ZNF630: variants seen among roughly 807,000 people sequenced by gnomAD.
ZNF630 encodes the protein zinc finger protein 630.
Under a neutral mutation model 7.2 loss-of-function variants are expected in ZNF630, and 5 were observed. The ratio of observed to expected loss-of-function variants is 0.70; its 90% CI spans 0.36 to 1.46. The LOEUF (loss-of-function observed/expected upper bound fraction) is 1.46, where lower values mean the gene tolerates loss of function less well. ZNF630 is among the 40% of genes most tolerant of loss of function. ZNF630 has a pLI of 0.03. For missense variants in ZNF630, 461 were observed against 477.0 expected (o/e 0.97, Z 0.31); for synonymous variants, 158 against 162.8 (o/e 0.97, Z 0.23).
Position 48,060,541 on chromosome X carries a change from A to T in ZNF630, c.147T>A (p.Cys49Ter), listed in dbSNP as rs1336155121. ...ETYNHLVSVG[C>*]SGIKPDVIFK... ...AGATTACATCTGGTTTTATACCTGAACACCCTGTTAAGAGAAAATTGTAGT... is the reference window on the plus strand; with the variant it reads ...AGATTACATCTGGTTTTATACCTGATCACCCTGTTAAGAGAAAATTGTAGT... The change falls in exon 4 of 5, where the codon TGT (cysteine) becomes TGA (stop). Residue 49 changes from cysteine (C) to a stop codon, truncating the protein, a stop_gained. Coordinates refer to ENST00000276054, the MANE Select transcript of ZNF630 (RefSeq NM_001282201.2). LOFTEE classifies it high-confidence loss of function. 3.3e-6 allele frequency: 4 copies of T among 1,199,378 alleles called. No individual in the cohort carries two copies. Among genetic ancestry groups the T allele is most frequent in the Non-Finnish European group, 4.5e-6 (4 of 888,409 alleles).
At chrX:48,063,931 T>G (rs191835529) in intron 2 of ZNF630, among the ~76,000 whole-genome samples, 5 of 111,038 alleles carry the variant, frequency 4.5e-5, no homozygotes, top group Non-Finnish European at 9.4e-5. Flanking sequence ...CTCTTTAAAT[T>G]TATAAGTCTG....
At position 48,058,913 on chromosome X, in the gene ZNF630, G is replaced by A. The variant is rs782377992; in HGVS notation, c.1529C>T (p.Thr510Ile). Residue 510 changes from threonine to isoleucine, a missense_variant, in exon 5 of 5, where the codon ACA (threonine) becomes ATA (isoleucine). Physicochemically the swap from Thr to Ile is moderately conservative, Grantham distance 89 (BLOSUM62 -1). Coordinates refer to ENST00000276054, the MANE Select transcript of ZNF630 (RefSeq NM_001282201.2). ...ACCACACTGATAAGGTTTCTCCCCT[G>A]TATGAATTCTCTGGTGTATGATAAG... ...SPLIIHQRIH[T>I]GEKPYQCGEC... The A allele has an allele frequency of 5.6e-5, 67 of 1,206,563 alleles. 1 individual carries two copies. The highest frequency in any genetic ancestry group is 7.3e-5 in the Non-Finnish European group (65 of 892,862).
Position 48,058,989 on chromosome X carries a change from T to C in ZNF630, c.1453A>G (p.Lys485Glu). The C allele has an allele frequency of 8.3e-7, 1 of 1,208,272 alleles. No homozygotes were observed. The highest frequency in any genetic ancestry group is 1.1e-6 in the Non-Finnish European group (1 of 893,205). The change falls in exon 5 of 5, where the codon AAA (lysine) becomes GAA (glutamate). Residue 485 changes from lysine (K) to glutamate (E), a missense_variant. Physicochemically the swap from Lys to Glu is moderately conservative, Grantham distance 56 (BLOSUM62 1). Coordinates refer to ENST00000276054, the MANE Select transcript of ZNF630 (RefSeq NM_001282201.2). ...TGHQRLHTGE[K>E]PYMCTECGKS... is the part of the protein sequence containing the mutation. The stretch of plus-strand genomic sequence containing the variant: ...CCACATTCAGTACACATATAAGGTT[T>C]CTCTCCAGTATGAAGTCTTTGATGG...
In ZNF630 at chrX:48,066,222, G is replaced by A. The variant is rs782100172; in HGVS notation, c.15+650C>T. On this transcript the variant is annotated intron_variant, in intron 2 of 4. Transcript: ENST00000276054. ...CAAACCAGATAATCCTAGTTATGTC[G>A]GGGAAGGAGGAAGAAGTAAGATTGG... is the stretch of plus-strand genomic sequence containing the variant. The A allele has an allele frequency of 6.4e-5, 7 of 109,519 alleles. No homozygotes were observed. In the East Asian group the frequency reaches 8.5e-4, roughly 13 times the overall value. 9.0% of individuals were successfully genotyped at this position (109,519 alleles called of 1,213,427 possible). A position where few individuals can be genotyped will look rare whatever the true frequency, so the allele number is the denominator to read the frequency against.
In ZNF630 at chrX:48,060,547, T is replaced by C. The variant is rs1308947878; in HGVS notation, c.143-2A>G. 13 of 1,194,726 alleles carry C rather than the reference T, an allele frequency of 1.1e-5. No homozygotes were observed. The highest frequency in any genetic ancestry group is 1.5e-5 in the Non-Finnish European group (13 of 885,710). ...CATCTGGTTTTATACCTGAACACCC[T>C]GTTAAGAGAAAATTGTAGTGGCTTT... On this transcript the variant is annotated splice_acceptor_variant, in intron 3 of 4. Coordinates refer to ENST00000276054, the MANE Select transcript of ZNF630 (RefSeq NM_001282201.2). LOFTEE classifies it high-confidence loss of function.
chrX:48,068,169 AGGAAG>A (rs2059140472), intron 1 of ZNF630, among the ~76,000 whole-genome samples: 5 of 31,264 alleles, frequency 1.6e-4, no homozygotes, highest in Non-Finnish European at 3.4e-4. Flanking sequence ...GGGAGGAAGA[AGGAAG>A]GAAGGAAGGA....
In ZNF630 at chrX:48,060,781, G is replaced by A. The variant is rs367664962; in HGVS notation, c.142+38C>T. 3.5e-6 allele frequency: 4 copies of A among 1,159,100 alleles called. No homozygotes were observed. The African/African-American group carries it at 5.4e-5, about 16-fold the overall frequency. Reference sequence around the variant, plus strand: ...GACAGCACTAAAGGAAGGATGAGGAGGATTTGATTCATTGGTACACAGGGA... The same window carrying A: ...GACAGCACTAAAGGAAGGATGAGGAAGATTTGATTCATTGGTACACAGGGA... On this transcript the variant is annotated intron_variant, in intron 3 of 4. Coordinates refer to ENST00000276054, the MANE Select transcript of ZNF630 (RefSeq NM_001282201.2).
intron 1 of ZNF630, among the ~76,000 whole-genome samples, chrX:48,070,729 C>T (rs1323354636): frequency 9.1e-6 from 1 of 109,456 alleles, no homozygotes; most frequent in Non-Finnish European, 1.9e-5. Context: ...GTGATGAATC[C>T]ATATAAGAAA....
intron 2 of ZNF630, among the ~76,000 whole-genome samples, chrX:48,065,455 A>AAGAAAGAAAGAG (rs1491400536): frequency 6.4e-5 from 4 of 62,146 alleles, no homozygotes; most frequent in Non-Finnish European, 7.4e-5. Flanking sequence ...GAAAGAAAGA[A>AAGAAAGAAAGAG]AGAGAGAGAG....
rs917460347 is a variant in ZNF630, at chrX:48,071,303, C to G, written c.-212G>C. ...TCTCAAGCCGGGCTTGGCTCCCCGC[C>G]TGCCCAAATGCGTTCAACATCCCCC... On this transcript the variant is annotated 5_prime_UTR_variant, in exon 1 of 5. Transcript: ENST00000276054. 1.4e-4 allele frequency: 16 copies of G among 111,093 alleles called. No homozygotes were observed. Among genetic ancestry groups the G allele is most frequent in the African/African-American group, 4.6e-4 (14 of 30,447 alleles). The allele number at this position is 111,093 out of a possible 1,213,427, so 9.2% of individuals were successfully genotyped here. A position where few individuals can be genotyped will look rare whatever the true frequency, so the allele number is the denominator to read the frequency against.
chrX:48,060,086 C>T lies in ZNF630; in HGVS notation c.356G>A (p.Trp119Ter), dbSNP rs782405777. ...DNSLYSVLKI[W>*]HIDNQMDRYQ... The stretch of plus-strand genomic sequence containing the variant: ...TCTATCCATCTGATTATCAATATGC[C>T]AGATTTTTAAAACAGAGTACAATGA... The change falls in exon 5 of 5, where the codon TGG (tryptophan) becomes TAG (stop). Residue 119 changes from tryptophan (W) to a stop codon, truncating the protein, a stop_gained. Coordinates refer to ENST00000276054, the MANE Select transcript of ZNF630 (RefSeq NM_001282201.2). LOFTEE classifies it low-confidence loss of function (END_TRUNC). 38 of 1,194,983 alleles carry T rather than the reference C, an allele frequency of 3.2e-5. 1 individual carries two copies. In the Admixed American group the frequency reaches 8.4e-4, roughly 26 times the overall value.
Position 48,060,333 on chromosome X carries a change from G to C in ZNF630, c.238+117C>G, listed in dbSNP as rs188667618. On this transcript the variant is annotated intron_variant, in intron 4 of 4. Coordinates refer to ENST00000276054, the MANE Select transcript of ZNF630 (RefSeq NM_001282201.2). ...AGGTACTAGGAAGGTGGCTGTTGTA[G>C]AATGAATGTTATAAAGGAGGCCTGA... 86 of 981,717 alleles carry C rather than the reference G, an allele frequency of 8.8e-5. 2 individuals carry two copies. In the African/African-American group the frequency reaches 1.4e-3, roughly 16 times the overall value. The allele number at this position is 981,717 out of a possible 1,213,427, so 80.9% of individuals were successfully genotyped here. A position where few individuals can be genotyped will look rare whatever the true frequency, so the allele number is the denominator to read the frequency against.
Position 48,058,216 on chromosome X carries a change from G to T in ZNF630, c.*252C>A. The T allele has an allele frequency of 3.5e-6, 1 of 288,026 alleles. No homozygotes were observed. The highest frequency in any genetic ancestry group is 1.9e-4 in the South Asian group (1 of 5,381). 23.7% of individuals were successfully genotyped at this position (288,026 alleles called of 1,213,427 possible). ...TTAATGACCAAACAACACCAAAGTA[G>T]TGCTAATTCTTCCAGATACATTTAT... is the stretch of plus-strand genomic sequence containing the variant. On this transcript the variant is annotated 3_prime_UTR_variant, in exon 5 of 5. Coordinates refer to ENST00000276054, the MANE Select transcript of ZNF630 (RefSeq NM_001282201.2).
chrX:48,060,573 G>C lies in ZNF630; in HGVS notation c.143-28C>G, dbSNP rs201448007. On this transcript the variant is annotated intron_variant, in intron 3 of 4. Coordinates refer to ENST00000276054, the MANE Select transcript of ZNF630 (RefSeq NM_001282201.2). Reference sequence around the variant, plus strand: ...GTTAAGAGAAAATTGTAGTGGCTTTGGCCTTGGCAGCTCAGAAATTCATGA... The same window carrying C: ...GTTAAGAGAAAATTGTAGTGGCTTTCGCCTTGGCAGCTCAGAAATTCATGA... The C allele has an allele frequency of 1.3e-4, 154 of 1,146,395 alleles. 4 individuals are homozygous for C. In the Admixed American group the frequency reaches 3.7e-3, roughly 27 times the overall value. 94.5% of individuals were successfully genotyped at this position (1,146,395 alleles called of 1,213,427 possible).
In ZNF630 at chrX:48,059,705, T is replaced by C; in HGVS notation, c.737A>G (p.His246Arg). 3.3e-6 allele frequency: 4 copies of C among 1,208,558 alleles called. No individual in the cohort carries two copies. The highest frequency in any genetic ancestry group is 4.5e-6 in the Non-Finnish European group (4 of 893,279). ...CTTATACTGAACATGGGCTTGCTTA[T>C]GACTGAGAACTTTTTCACATTGACT... is the stretch of plus-strand genomic sequence containing the variant. The part of the protein sequence containing the change: ...GDSQCEKVLS[H>R]KQAHVQYKKF... The change falls in exon 5 of 5, where the codon CAT (histidine) becomes CGT (arginine). Residue 246 changes from histidine to arginine, a missense_variant. Coordinates refer to ENST00000276054, the MANE Select transcript of ZNF630 (RefSeq NM_001282201.2).
At chrX:48,065,278 G>T (rs1357728896) in intron 2 of ZNF630, among the ~76,000 whole-genome samples, 2 of 110,035 alleles carry the variant, frequency 1.8e-5, no homozygotes, top group African/African-American at 6.6e-5. Flanking sequence ...GAGGTGGGTG[G>T]ATCACCTGAG....
rs782593226 is a variant in ZNF630, at chrX:48,069,041, G to A, written c.-175-1980C>T. ...GATTGCTTGAGTCCAGGAGTTCGAG[G>A]CCAGCCTGAGCAACATAGTGAGACC... is the stretch of plus-strand genomic sequence containing the variant. On this transcript the variant is annotated intron_variant, in intron 1 of 4. Transcript: ENST00000276054. Among the ~76,000 whole-genome samples the A allele has an allele frequency of 3.6e-5, 4 of 110,300 alleles. No individual in the cohort carries two copies. The South Asian group carries it at 1.5e-3, about 42-fold the overall frequency.
chrX:48,061,026 C>T (rs1460069350), intron 2 of ZNF630, 81 bp from the exon 3 acceptor site: 19 of 936,718 alleles, frequency 2.0e-5, no homozygotes, highest in Middle Eastern at 5.7e-4. Context: ...CTACTTTGCA[C>T]TTTGCCCAGC....
At chrX:48,071,066 C>G (rs1392329987) in intron 1 of ZNF630, 1 of 109,976 alleles carries the variant, frequency 9.1e-6, no homozygotes, top group African/African-American at 3.4e-5. Context: ...ATCACTCACC[C>G]TTACAGACAT....
Sources: gnomAD v4.1 joint callset for allele counts (sites outside exome capture counted in the v4.1 genomes callset) on GRCh38, gnomAD v4.1.1 for gene constraint, MANE v1.5 for transcripts, NCBI Gene and HGNC (gene_info 2026-07-23, HGNC 2026-07-21) for gene names.